Variants in NPL observed in about 807,000 individuals in gnomAD.
NPL encodes N-acetylneuraminate lyase.
NPL carries 32 observed loss-of-function variants against 41.1 expected under a neutral mutation model. That is an observed-to-expected ratio of 0.78 (90% confidence interval 0.59 to 1.05). NPL has a LOEUF of 1.05. Ranked by LOEUF, NPL falls within the 50% of genes least tolerant of loss-of-function variation. The pLI, the probability that NPL is intolerant of heterozygous loss-of-function variation, is 0.00. For missense variants in NPL, 321 were observed against 378.4 expected (o/e 0.85, Z 1.26); for synonymous variants, 128 against 134.9 (o/e 0.95, Z 0.35).
intron 11 of NPL, among the ~76,000 whole-genome samples, chr1:182,824,637 A>G (rs1667581802): frequency 6.6e-6 from 1 of 152,046 alleles, no homozygotes. Context: ...CTCTACTAAA[A>G]ATACAAAAAA....
chr1:182,809,771 C>T (rs1479019475), intron 5 of NPL: 2 of 152,096 alleles, frequency 1.3e-5, no homozygotes, highest in Non-Finnish European at 2.9e-5. Context: ...GTCATGACAG[C>T]CAGAAGGCTC....
intron 3 of NPL, among the ~76,000 whole-genome samples, chr1:182,799,454 T>C (rs556905743): frequency 6.6e-6 from 1 of 152,324 alleles, no homozygotes; most frequent in African/African-American, 2.4e-5. Flanking sequence ...TACGGCCATA[T>C]TTATACAAGA....
chr1:182,794,229 C>T (rs1666593783), intron 2 of NPL, 127 bp from the exon 3 acceptor site: 2 of 849,138 alleles, frequency 2.4e-6, no homozygotes, highest in Admixed American at 1.7e-5. Flanking sequence ...CCATCTTGTA[C>T]TTGCTCTGTG....
rs1020723140 is a variant in NPL at position 182,830,244 on chromosome 1, C to T, written c.*1336C>T. 6.6e-6 allele frequency: 1 copy of T among 152,090 alleles called. No individual in the cohort carries two copies. Among genetic ancestry groups the T allele is most frequent in the Non-Finnish European group, 1.5e-5 (1 of 68,008 alleles). 9.4% of individuals were successfully genotyped at this position (152,090 alleles called of 1,614,324 possible). ...CTCAACCCTCTTTTTGCCTTTGTAG[C>T]TTTTAATTTCCTGAAAGAAGAAAAT... On this transcript the variant is annotated 3_prime_UTR_variant, in exon 13 of 13. Transcript: ENST00000367553.
chr1:182,807,556 A>T (rs1667050335), intron 5 of NPL, among the ~76,000 whole-genome samples: 1 of 151,964 alleles, frequency 6.6e-6, no homozygotes, highest in Admixed American at 6.6e-5. Context: ...GCAGAGTGTG[A>T]AAACAGGAGG....
At chr1:182,813,198 G>A (rs1480378191) in intron 6 of NPL, among the ~76,000 whole-genome samples, 1 of 149,302 alleles carries the variant, frequency 6.7e-6, no homozygotes, top group Non-Finnish European at 1.5e-5. Context: ...TTGTTTATCA[G>A]AAGGCCCTGT....
intron 5 of NPL, chr1:182,809,140 TGTCATAA>T (rs1408900615): frequency 2.6e-6 from 1 of 384,214 alleles, no homozygotes; most frequent in Non-Finnish European, 5.1e-6. Flanking sequence ...GACATAACCC[TGTCATAA>T]GTCAGGGAGT....
At chr1:182,819,497 G>A (rs1246458035) in intron 10 of NPL, among the ~76,000 whole-genome samples, 1 of 151,614 alleles carries the variant, frequency 6.6e-6, no homozygotes, top group Non-Finnish European at 1.5e-5. Context: ...TGTAATCCCA[G>A]CTACTCGGGA....
intron 11 of NPL, 99 bp from the exon 12 acceptor site, chr1:182,825,682 G>A (rs562084433): frequency 2.5e-5 from 21 of 839,578 alleles, no homozygotes; most frequent in Admixed American, 1.7e-4. Flanking sequence ...AAATGAAGGT[G>A]TGCAGACTTT....
intron 4 of NPL, among the ~76,000 whole-genome samples, chr1:182,805,622 C>T (rs4303044): frequency 0.15 from 23,360 of 152,076 alleles, 2,553 homozygotes; most frequent in African/African-American, 0.31. Flanking sequence ...TATGTAAGAG[C>T]ACTTGGTATA....
Position 182,828,882 on chromosome 1 carries a change from G to GA in NPL, c.938dup (p.Asp313GlufsTer8). ...TTTCCTTTCTTTCACTGATTTAAAG[G>GA]ATGGAAACTTGGAAGCTGGTAGCTA... On this transcript the variant is annotated frameshift_variant, in exon 13 of 13. Coordinates refer to ENST00000367553, the MANE Select transcript of NPL (RefSeq NM_030769.3). LOFTEE classifies it high-confidence loss of function. The surrounding 1 kb of genome is among the most constrained non-coding windows in gnomAD (Gnocchi z 4.0). The GA allele has an allele frequency of 3.1e-6, 5 of 1,614,156 alleles. No homozygotes were observed. Among genetic ancestry groups the GA allele is most frequent in the Non-Finnish European group, 4.2e-6 (5 of 1,180,014 alleles).
At position 182,806,332 on chromosome 1, in the gene NPL, C is replaced by CG. The variant is rs752497197; in HGVS notation, c.230+104dup. ...GCCCTCCCTGCTTCCTGGTCAGAGCCGGGGCTTGAGGTCAGCTGGTGGGAA... is the reference window on the plus strand; with the variant it reads ...GCCCTCCCTGCTTCCTGGTCAGAGCCGGGGGCTTGAGGTCAGCTGGTGGGAA... On this transcript the variant is annotated intron_variant, in intron 5 of 12. Transcript: ENST00000367553. The CG allele has an allele frequency of 3.6e-5, 56 of 1,569,396 alleles. No homozygotes were observed. The East Asian group carries it at 9.4e-4, about 26-fold the overall frequency.
At chr1:182,824,674 G>A (rs1025870605) in intron 11 of NPL, among the ~76,000 whole-genome samples, 1 of 152,128 alleles carries the variant, frequency 6.6e-6, no homozygotes, top group Non-Finnish European at 1.5e-5. Flanking sequence ...GCGGGCGCCT[G>A]TAGTCCCAGC....
At chr1:182,806,300 A>G in intron 5 of NPL, 68 bp downstream of exon 5, 5 of 1,603,486 alleles carry the variant, frequency 3.1e-6, no homozygotes, top group Non-Finnish European at 4.3e-6. Context: ...TCTTCCCCAG[A>G]GGATACGCCC....
chr1:182,812,859 TGTG>T (rs1337633587), intron 6 of NPL, among the ~76,000 whole-genome samples: 1 of 151,768 alleles, frequency 6.6e-6, no homozygotes, highest in Non-Finnish European at 1.5e-5. Context: ...AAGCAGGTGG[TGTG>T]GTGATTCTGA....
At position 182,829,696 on chromosome 1, in the gene NPL, G is replaced by C. The variant is rs750420052; in HGVS notation, c.*788G>C. The C allele has an allele frequency of 2.1e-6, 3 of 1,417,362 alleles. No homozygotes were observed. Among genetic ancestry groups the C allele is most frequent in the Non-Finnish European group, 2.9e-6 (3 of 1,025,680 alleles). The allele number at this position is 1,417,362 out of a possible 1,614,324, so 87.8% of individuals were successfully genotyped here. On this transcript the variant is annotated 3_prime_UTR_variant, in exon 13 of 13. Transcript: ENST00000367553. ...CTCCACTGAGAAGACTGTCTCTCCCGCAGGACCCTGAATTATTGAAATCGA... is the reference window on the plus strand; with the variant it reads ...CTCCACTGAGAAGACTGTCTCTCCCCCAGGACCCTGAATTATTGAAATCGA...
chr1:182,828,838 C>G lies in NPL; in HGVS notation c.893C>G (p.Ala298Gly), dbSNP rs1483780729. The stretch of plus-strand genomic sequence containing the variant: ...AGGGAGTTTACTGATAGTGCTGAAG[C>G]TAAACTGAAGAGCCTGGATTTCCTT... ...ASREFTDSAEAKLKSLDFLSF... is the reference protein window; with the variant it reads ...ASREFTDSAEGKLKSLDFLSF... Residue 298 changes from alanine (A) to glycine (G), a missense_variant, in exon 13 of 13, where the codon GCT (alanine) becomes GGT (glycine). Ala to Gly is a moderately conservative substitution (Grantham distance 60, BLOSUM62 0). Coordinates refer to ENST00000367553, the MANE Select transcript of NPL (RefSeq NM_030769.3). The surrounding 1 kb of genome is among the most constrained non-coding windows in gnomAD (Gnocchi z 4.0). 1.2e-6 allele frequency: 2 copies of G among 1,614,210 alleles called. No homozygotes were observed. Among genetic ancestry groups the G allele is most frequent in the African/African-American group, 2.7e-5 (2 of 75,050 alleles).
At chr1:182,799,002 T>C (rs1414209148) in intron 3 of NPL, among the ~76,000 whole-genome samples, 1 of 152,268 alleles carries the variant, frequency 6.6e-6, no homozygotes, top group African/African-American at 2.4e-5. Context: ...TGCCACATCA[T>C]GTCAGGTATG....
chr1:182,827,694 C>T (rs1427987514), intron 12 of NPL, among the ~76,000 whole-genome samples: 1 of 151,990 alleles, frequency 6.6e-6, no homozygotes, highest in Non-Finnish European at 1.5e-5. Flanking sequence ...TCTATTCCTT[C>T]TTTTATCTCT....
Sources: gnomAD v4.1 joint callset for allele counts (sites outside exome capture counted in the v4.1 genomes callset) on GRCh38, gnomAD v4.1.1 for gene constraint, Gnocchi (gnomAD v3.1) non-coding constraint, MANE v1.5 for transcripts, NCBI Gene and HGNC (gene_info 2026-07-23, HGNC 2026-07-21) for gene names.